PDE4D: variants seen among roughly 807,000 people sequenced by gnomAD.
PDE4D encodes the protein phosphodiesterase 4D, also known as 3',5'-cyclic-AMP phosphodiesterase 4D.
In PDE4D, 24 loss-of-function variants were observed where a neutral mutation model predicts 87.4. The ratio of observed to expected loss-of-function variants is 0.27; its 90% CI spans 0.20 to 0.39. The LOEUF (loss-of-function observed/expected upper bound fraction) is 0.39, where lower values mean the gene tolerates loss of function less well. Among genes scored for constraint, PDE4D ranks in the 10% least tolerant of loss-of-function variants. The probability of loss-of-function intolerance (pLI) is 1.00; values close to 1 mark genes in which losing one functional copy is unlikely to be tolerated. For synonymous variants in PDE4D, 384 were observed against 383.2 expected (o/e 1.00, Z -0.02); for missense variants, 714 against 1,041.0 (o/e 0.69, Z 4.32).
At chr5:59,837,789 A>T (rs1287672798) in intron 1 of PDE4D, among the ~76,000 whole-genome samples, 1 of 152,108 alleles carries the variant, frequency 6.6e-6, no homozygotes, top group African/African-American at 2.4e-5. Context: ...TGGCAAGAAT[A>T]ACTAGGACAC....
rs1463242099 is a variant in PDE4D, at chr5:59,003,049, T to C, written c.922-9584A>G. Among the ~76,000 whole-genome samples the C allele has an allele frequency of 3.3e-5, 5 of 152,166 alleles. No homozygotes were observed. The East Asian group carries it at 9.6e-4, about 29-fold the overall frequency. Reference sequence around the variant, plus strand: ...TCATTTGTTTTTAAAATATATATGTTATATTTCCTTTCAATTGCATCACAG... The same window carrying C: ...TCATTTGTTTTTAAAATATATATGTCATATTTCCTTTCAATTGCATCACAG... On this transcript the variant is annotated intron_variant, in intron 6 of 14. Transcript: ENST00000340635.
intron 1 of PDE4D, among the ~76,000 whole-genome samples, chr5:59,620,338 C>G (rs910711876): frequency 1.3e-5 from 2 of 152,056 alleles, no homozygotes; most frequent in African/African-American, 4.8e-5. Context: ...CTTGTTATCT[C>G]CTGTTTGGGT....
At chr5:60,144,794 A>G (rs551251045) in intron 2 of PDE4D, among the ~76,000 whole-genome samples, 2 of 152,314 alleles carry the variant, frequency 1.3e-5, no homozygotes, top group African/African-American at 4.8e-5. Context: ...CCTTTGTCCA[A>G]TGTATATACA....
intron 1 of PDE4D, among the ~76,000 whole-genome samples, chr5:59,601,051 T>C (rs1017819076): frequency 2.0e-5 from 3 of 152,190 alleles, no homozygotes; most frequent in Non-Finnish European, 4.4e-5. Flanking sequence ...TTGGAGGATC[T>C]AGCAAGGACC....
At chr5:60,177,308 G>T (rs999239963) in intron 2 of PDE4D, among the ~76,000 whole-genome samples, 2 of 152,092 alleles carry the variant, frequency 1.3e-5, no homozygotes, top group Non-Finnish European at 2.9e-5. Context: ...GGTCAAAGCT[G>T]CTGTCATTGG....
chr5:60,141,045 C>CT (rs1429908800), intron 2 of PDE4D, among the ~76,000 whole-genome samples: 19 of 152,134 alleles, frequency 1.2e-4, no homozygotes, highest in Admixed American at 2.0e-4. Flanking sequence ...ATTATCAGCT[C>CT]TTTTTTCGTG....
chr5:59,780,356 T>A (rs1181403720), intron 1 of PDE4D, among the ~76,000 whole-genome samples: 2 of 152,196 alleles, frequency 1.3e-5, no homozygotes, highest in African/African-American at 4.8e-5. Context: ...TGGGAAGATG[T>A]ATTTCACATT....
At chr5:59,045,847 C>T (rs1402209020) in intron 5 of PDE4D, among the ~76,000 whole-genome samples, 1 of 152,180 alleles carries the variant, frequency 6.6e-6, no homozygotes, top group Non-Finnish European at 1.5e-5. Flanking sequence ...GTCAGTGCAA[C>T]CATTATCTTT....
chr5:59,163,134 G>A (rs536380449), intron 5 of PDE4D, among the ~76,000 whole-genome samples: 4 of 147,574 alleles, frequency 2.7e-5, no homozygotes, highest in African/African-American at 7.5e-5. Flanking sequence ...CAGTAGAGAC[G>A]GGGGTTTCAC....
At chr5:60,491,557 C>A (rs1345814010), upstream of PDE4D, 2 of 152,176 alleles carry the variant, frequency 1.3e-5, no homozygotes. Flanking sequence ...AGTCAAAACT[C>A]TTCTAGGTAA....
At chr5:59,969,254 C>T (rs951204844) in intron 3 of PDE4D, among the ~76,000 whole-genome samples, 6 of 152,154 alleles carry the variant, frequency 3.9e-5, no homozygotes, top group African/African-American at 1.4e-4. Context: ...AAATGATTCA[C>T]ATCTCACAAA....
chr5:59,292,390 T>G (rs1031449060), intron 1 of PDE4D, among the ~76,000 whole-genome samples: 1 of 152,196 alleles, frequency 6.6e-6, no homozygotes, highest in Admixed American at 6.6e-5. Context: ...AATACCTTTT[T>G]AGGCCTCACT....
chr5:60,475,807 C>G (rs1406402166), intron 1 of PDE4D, among the ~76,000 whole-genome samples: 1 of 135,758 alleles, frequency 7.4e-6, no homozygotes, highest in Non-Finnish European at 1.5e-5. Context: ...AACTTCACTT[C>G]TCTCATCTGT....
At chr5:59,985,123 C>CATTTTTT (rs1561944275) in intron 3 of PDE4D, among the ~76,000 whole-genome samples, 1 of 80,244 alleles carries the variant, frequency 1.2e-5, no homozygotes, top group Non-Finnish European at 3.2e-5. Context: ...CTTCACCTTT[C>CATTTTTT]GTTTTTTGTT....
chr5:59,732,504 TCAG>T (rs1757515751), intron 1 of PDE4D, among the ~76,000 whole-genome samples: 1 of 151,848 alleles, frequency 6.6e-6, no homozygotes, highest in African/African-American at 2.4e-5. Context: ...TTTGTTTTGA[TCAG>T]CAAGTTTTTT....
chr5:60,343,883 A>G (rs1758516892), intron 1 of PDE4D, among the ~76,000 whole-genome samples: 1 of 152,026 alleles, frequency 6.6e-6, no homozygotes, highest in Non-Finnish European at 1.5e-5. Context: ...CGGGTTGTTT[A>G]ATGACCCCAT....
intron 1 of PDE4D, among the ~76,000 whole-genome samples, chr5:60,269,534 C>T (rs1356260823): frequency 1.3e-5 from 2 of 152,158 alleles, no homozygotes; most frequent in Non-Finnish European, 2.9e-5. Flanking sequence ...CTGCTGTGAA[C>T]ATTCTTAAAA....
intron 5 of PDE4D, among the ~76,000 whole-genome samples, chr5:59,127,514 T>G (rs1466851472): frequency 6.6e-6 from 1 of 151,742 alleles, no homozygotes; most frequent in Non-Finnish European, 1.5e-5. Flanking sequence ...AGGAGGGCCG[T>G]GAGCCTGCCT....
At chr5:60,011,215 AGTG>A (rs1471776085) in intron 2 of PDE4D, among the ~76,000 whole-genome samples, 5 of 152,160 alleles carry the variant, frequency 3.3e-5, no homozygotes, top group Non-Finnish European at 7.4e-5. Context: ...GCTCCTCCTA[AGTG>A]GTCAGCACTA....
Sources: gnomAD v4.1 joint callset for allele counts (sites outside exome capture counted in the v4.1 genomes callset) on GRCh38, gnomAD v4.1.1 for gene constraint, MANE v1.5 for transcripts, NCBI Gene and HGNC (gene_info 2026-07-23, HGNC 2026-07-21) for gene names.